PRDM12: variants seen among roughly 807,000 people sequenced by gnomAD.
PRDM12 encodes the protein PR/SET domain 12.
In PRDM12, 17 loss-of-function variants were observed where a neutral mutation model predicts 29.6. The observed-to-expected ratio is 0.57, with a 90% CI of 0.39 to 0.86. The LOEUF (loss-of-function observed/expected upper bound fraction) is 0.86, where lower values mean the gene tolerates loss of function less well. PRDM12 is among the 40% of genes least tolerant of loss of function. The probability of loss-of-function intolerance (pLI) is 0.00; values close to 1 mark genes in which losing one functional copy is unlikely to be tolerated. For synonymous variants in PRDM12, 231 were observed against 225.8 expected, an observed-to-expected ratio of 1.02 and a Z score of -0.21; for missense variants, 422 against 510.8, an observed-to-expected ratio of 0.83 and a Z score of 1.68.
chr9:130,669,021 A>G (rs1220539863), intron 3 of PRDM12, among the ~76,000 whole-genome samples: 1 of 152,174 alleles, frequency 6.6e-6, no homozygotes, highest in African/African-American at 2.4e-5. Flanking sequence ...AGACAGGGCC[A>G]GGTAACAGCC....
chr9:130,680,659 A>ATTTTT (rs767033169), intron 4 of PRDM12, among the ~76,000 whole-genome samples: 62 of 72,128 alleles, frequency 8.6e-4, no homozygotes, highest in African/African-American at 2.6e-3. Context: ...ATATATATAT[A>ATTTTT]TTTTTTTTTT....
chr9:130,669,947 G>C (rs572509207), intron 3 of PRDM12, among the ~76,000 whole-genome samples: 59 of 152,146 alleles, frequency 3.9e-4, no homozygotes, highest in African/African-American at 1.3e-3. Context: ...TTCCTGGTAG[G>C]GCAGTGCCTG....
In PRDM12 at chr9:130,682,202, T is replaced by A. The variant is rs1830912177; in HGVS notation, c.*533T>A. ...GGTGTCCTGAAGTGTCGGGAGTCCTTACGCAACCTTGACATGTGCGGGCTA... is the reference window on the plus strand; with the variant it reads ...GGTGTCCTGAAGTGTCGGGAGTCCTAACGCAACCTTGACATGTGCGGGCTA... On this transcript the variant is annotated 3_prime_UTR_variant, in exon 5 of 5. Coordinates refer to ENST00000253008, the MANE Select transcript of PRDM12 (RefSeq NM_021619.3). This position sits in a 1 kb window ranked among gnomAD's most constrained non-coding sequence, Gnocchi z 4.2. 6.6e-6 allele frequency: 1 copy of A among 152,278 alleles called. No homozygotes were observed. The highest frequency in any genetic ancestry group is 2.1e-4 in the South Asian group (1 of 4,830). The allele number at this position is 152,278 out of a possible 1,614,324, so 9.4% of individuals were successfully genotyped here.
At chr9:130,672,086 T>A (rs1408457977) in intron 3 of PRDM12, among the ~76,000 whole-genome samples, 1 of 152,184 alleles carries the variant, frequency 6.6e-6, no homozygotes, top group African/African-American at 2.4e-5. Context: ...CCTGGCTTAC[T>A]CCAGTCACAG....
At chr9:130,676,062 T>C (rs1332334243) in intron 3 of PRDM12, among the ~76,000 whole-genome samples, 1 of 152,188 alleles carries the variant, frequency 6.6e-6, no homozygotes, top group African/African-American at 2.4e-5. Context: ...CACCATCTCA[T>C]AGACAGACTT....
chr9:130,680,660 T>TATATATATATATATA (rs1554753125), intron 4 of PRDM12, among the ~76,000 whole-genome samples: 24 of 49,278 alleles, frequency 4.9e-4, no homozygotes, highest in Non-Finnish European at 7.0e-4. Flanking sequence ...TATATATATA[T>TATATATATATATATA]TTTTTTTTTT....
In PRDM12 at chr9:130,664,928, T is replaced by G; in HGVS notation, c.223+52T>G. On this transcript the variant is annotated intron_variant, in intron 1 of 4. Coordinates refer to ENST00000253008, the MANE Select transcript of PRDM12 (RefSeq NM_021619.3). This position sits in a 1 kb window ranked among gnomAD's most constrained non-coding sequence, Gnocchi z 6.4. ...CAATCCCTCCTCCCGGCGACCCCCA[T>G]TCCCGTCCTGGCGATGCGCGAGACG... 4.8e-6 allele frequency: 7 copies of G among 1,447,660 alleles called. No individual in the cohort carries two copies. The highest frequency in any genetic ancestry group is 6.5e-6 in the Non-Finnish European group (7 of 1,082,164). The allele number at this position is 1,447,660 out of a possible 1,614,324, so 89.7% of individuals were successfully genotyped here.
rs1330707535 is a variant in PRDM12 at position 130,682,943 on chromosome 9, CCT to C, written c.*1279_*1280del. 2.6e-5 allele frequency: 4 copies of C among 152,394 alleles called. No individual in the cohort carries two copies. Among genetic ancestry groups the C allele is most frequent in the Non-Finnish European group, 5.9e-5 (4 of 68,004 alleles). 9.4% of individuals were successfully genotyped at this position (152,394 alleles called of 1,614,324 possible). ...ATGTACAACTGTAAATACATTTGTA[CCT>C]CTCTTGTATTCTAAAATAAAAATTA... On this transcript the variant is annotated 3_prime_UTR_variant, in exon 5 of 5. Transcript: ENST00000253008. This position sits in a 1 kb window ranked among gnomAD's most constrained non-coding sequence, Gnocchi z 4.2.
chr9:130,668,307 C>T lies in PRDM12; in HGVS notation c.564C>T (p.Ala188=). 1 of 1,613,588 alleles carries T rather than the reference C, an allele frequency of 6.2e-7. No individual in the cohort carries two copies. Among genetic ancestry groups the T allele is most frequent in the Non-Finnish European group, 8.5e-7 (1 of 1,179,980 alleles). Residue 188 remains alanine, a synonymous_variant, in exon 3 of 5, where the codon GCC becomes GCT. Coordinates refer to ENST00000253008, the MANE Select transcript of PRDM12 (RefSeq NM_021619.3). This position sits in a 1 kb window ranked among gnomAD's most constrained non-coding sequence, Gnocchi z 4.0. ...TCGGCACCAGCATCTTCTACAAGGC[C>T]ATTGAGGTGTGTGTGTGTGTGTGCA... ...VQIGTSIFYK[A]IEMIPPDQEL... is the part of the protein sequence containing the mutation.
At chr9:130,680,657 A>ATTTTTTTTTTTTTTTTT (rs1399560598) in intron 4 of PRDM12, among the ~76,000 whole-genome samples, 3 of 87,540 alleles carry the variant, frequency 3.4e-5, no homozygotes, top group African/African-American at 2.1e-4. Context: ...ATATATATAT[A>ATTTTTTTTTTTTTTTTT]TATTTTTTTT....
chr9:130,682,839 A>G lies in PRDM12; in HGVS notation c.*1170A>G, dbSNP rs1453557998. On this transcript the variant is annotated 3_prime_UTR_variant, in exon 5 of 5. Transcript: ENST00000253008. This position sits in a 1 kb window ranked among gnomAD's most constrained non-coding sequence, Gnocchi z 4.2. Reference sequence around the variant, plus strand: ...TCAAGAAACTGCGTTCTACTTCCAGAAGATGGTCACTTTAACCTTGTAAAT... The same window carrying G: ...TCAAGAAACTGCGTTCTACTTCCAGGAGATGGTCACTTTAACCTTGTAAAT... The G allele has an allele frequency of 1.3e-5, 2 of 152,694 alleles. No homozygotes were observed. The highest frequency in any genetic ancestry group is 2.9e-5 in the Non-Finnish European group (2 of 68,056). 9.5% of individuals were successfully genotyped at this position (152,694 alleles called of 1,614,324 possible).
rs1368159897 is a variant in PRDM12, at chr9:130,681,636, C to CGCG, written c.1073_1074insGGC (p.Ala359dup). 20 of 977,686 alleles carry CGCG rather than the reference C, an allele frequency of 2.0e-5. No individual in the cohort carries two copies. Among genetic ancestry groups the CGCG allele is most frequent in the Admixed American group, 1.3e-4 (2 of 15,600 alleles). 60.6% of individuals were successfully genotyped at this position (977,686 alleles called of 1,614,324 possible). On this transcript the variant is annotated inframe_insertion, in exon 5 of 5. Transcript: ENST00000253008. This position sits in a 1 kb window ranked among gnomAD's most constrained non-coding sequence, Gnocchi z 8.1. Reference sequence around the variant, plus strand: ...CCGCCGCCGCCGCCGCCGCCGCCGCCGCCGCGCACCACCTGCCGGCCATGG... The same window carrying CGCG: ...CCGCCGCCGCCGCCGCCGCCGCCGCCGCGGCCGCGCACCACCTGCCGGCCATGG...
At chr9:130,680,659 A>ATATATATATATATATATATATTTT in intron 4 of PRDM12, among the ~76,000 whole-genome samples, 1 of 72,164 alleles carries the variant, frequency 1.4e-5, no homozygotes, top group African/African-American at 7.8e-5. Context: ...ATATATATAT[A>ATATATATATATATATATATATTTT]TTTTTTTTTT....
At position 130,681,605 on chromosome 9, in the gene PRDM12, TCGCCGCCGC is replaced by T. The variant is rs752427775; in HGVS notation, c.1068_1076del (p.Ala357_Ala359del). 60,029 of 955,184 alleles carry T rather than the reference TCGCCGCCGC, an allele frequency of 0.063. 1,801 individuals carry two copies. Among genetic ancestry groups the T allele is most frequent in the Non-Finnish European group, 0.068 (54,481 of 806,616 alleles). The allele number at this position is 955,184 out of a possible 1,614,324, so 59.2% of individuals were successfully genotyped here. A position where few individuals can be genotyped will look rare whatever the true frequency, so the allele number is the denominator to read the frequency against. On this transcript the variant is annotated inframe_deletion, in exon 5 of 5. Transcript: ENST00000253008. The surrounding 1 kb of genome is among the most constrained non-coding windows in gnomAD (Gnocchi z 8.1). ...GCCCCGCACGCGCACGCGCCCGCGCTCGCCGCCGCCGCCGCCGCCGCCGCCGCCGCCGCC... is the reference window on the plus strand; with the variant it reads ...GCCCCGCACGCGCACGCGCCCGCGCTCGCCGCCGCCGCCGCCGCCGCCGCC...
rs746965531 is a variant in PRDM12, at chr9:130,666,789, C to T, written c.405C>T (p.Leu135=). ...TGGACATCTGCAAGAACAACAACCTCATGTGGGAGGTACGCGCGGGCTGGG... is the reference window on the plus strand; with the variant it reads ...TGGACATCTGCAAGAACAACAACCTTATGTGGGAGGTACGCGCGGGCTGGG... The part of the protein sequence containing the change: ...EHVDICKNNN[L]MWEVFNEDGT... Residue 135 remains leucine (L), a synonymous_variant, in exon 2 of 5, where the codon CTC becomes CTT. Coordinates refer to ENST00000253008, the MANE Select transcript of PRDM12 (RefSeq NM_021619.3). 6.2e-7 allele frequency: 1 copy of T among 1,605,028 alleles called. No homozygotes were observed. Among genetic ancestry groups the T allele is most frequent in the East Asian group, 2.3e-5 (1 of 44,292 alleles).
At chr9:130,680,655 A>ATATTT (rs1830889270) in intron 4 of PRDM12, among the ~76,000 whole-genome samples, 1 of 85,576 alleles carries the variant, frequency 1.2e-5, no homozygotes, top group Non-Finnish European at 2.0e-5. Context: ...ATATATATAT[A>ATATTT]TATATTTTTT....
At chr9:130,669,529 A>AG (rs1830768183) in intron 3 of PRDM12, among the ~76,000 whole-genome samples, 1 of 148,338 alleles carries the variant, frequency 6.7e-6, no homozygotes, top group African/African-American at 2.5e-5. Flanking sequence ...TCTCAAAAAA[A>AG]AAAAGGCTTG....
chr9:130,678,550 C>A lies in PRDM12; in HGVS notation c.592C>A (p.Leu198Met). The change falls in exon 4 of 5, where the codon CTG becomes ATG. Residue 198 changes from leucine to methionine, a missense_variant. Leu to Met is a conservative substitution (Grantham distance 15). Coordinates refer to ENST00000253008, the MANE Select transcript of PRDM12 (RefSeq NM_021619.3). ...GCAGATGATCCCACCTGACCAGGAA[C>A]TGCTGGTGTGGTACGGAAACTCACA... Reference protein sequence around the residue: ...AIEMIPPDQELLVWYGNSHNT... With the variant: ...AIEMIPPDQEMLVWYGNSHNT... The A allele has an allele frequency of 6.2e-7, 1 of 1,613,348 alleles. No individual in the cohort carries two copies. Among genetic ancestry groups the A allele is most frequent in the South Asian group, 1.1e-5 (1 of 91,052 alleles).
intron 3 of PRDM12, among the ~76,000 whole-genome samples, chr9:130,671,010 G>GA (rs1830784186): frequency 6.6e-6 from 1 of 152,138 alleles, no homozygotes; most frequent in Non-Finnish European, 1.5e-5. Flanking sequence ...ATAGGATTAG[G>GA]AAAAATGGTC....
Sources: allele counts gnomAD v4.1 joint callset (sites outside exome capture counted in the v4.1 genomes callset), GRCh38; gene constraint gnomAD v4.1.1; non-coding constraint Gnocchi (gnomAD v3.1); transcripts MANE v1.5; gene names NCBI Gene and HGNC (gene_info 2026-07-23, HGNC 2026-07-21).